CDIN1: variants seen among roughly 807,000 people sequenced by gnomAD.
CDIN1 encodes the protein CDAN1-interacting nuclease 1.
Under a neutral mutation model 45.3 loss-of-function variants are expected in CDIN1, and 33 were observed. The observed-to-expected ratio is 0.73, with a 90% CI of 0.55 to 0.97. CDIN1 has a LOEUF of 0.97. CDIN1 is among the 50% of genes least tolerant of loss of function. CDIN1 has a pLI of 0.00. For synonymous variants in CDIN1, 118 were observed against 124.4 expected (o/e 0.95, Z 0.34); for missense variants, 303 against 339.4 (o/e 0.89, Z 0.84).
chr15:36,589,903 C>T (rs754303948), intron 1 of CDIN1, among the ~76,000 whole-genome samples: 5 of 152,174 alleles, frequency 3.3e-5, no homozygotes, highest in Non-Finnish European at 7.3e-5. Flanking sequence ...CTGTGACCCA[C>T]GTATGAAAGA....
rs543589163 is a variant in CDIN1, at chr15:36,691,815, C to T, written c.426+51C>T. The T allele has an allele frequency of 5.8e-5, 78 of 1,345,700 alleles. No individual in the cohort carries two copies. In the South Asian group the frequency reaches 9.5e-4, roughly 16 times the overall value. The allele number at this position is 1,345,700 out of a possible 1,614,324, so 83.4% of individuals were successfully genotyped here. A position where few individuals can be genotyped will look rare whatever the true frequency, so the allele number is the denominator to read the frequency against. On this transcript the variant is annotated intron_variant, in intron 6 of 10. Coordinates refer to ENST00000566621, the MANE Select transcript of CDIN1 (RefSeq NM_001321759.2). ...AGTGGCAATGCTGTTATCTGCCTAGCAGAGTAAAGGATTTTAAACCTCATT... is the reference window on the plus strand; with the variant it reads ...AGTGGCAATGCTGTTATCTGCCTAGTAGAGTAAAGGATTTTAAACCTCATT...
chr15:36,589,590 C>T (rs1245414557), intron 1 of CDIN1, among the ~76,000 whole-genome samples: 1 of 152,042 alleles, frequency 6.6e-6, no homozygotes, highest in Non-Finnish European at 1.5e-5. Flanking sequence ...ACTGCAAGCT[C>T]CGCCTCCTGG....
chr15:36,756,882 A>C (rs977133099), intron 10 of CDIN1, among the ~76,000 whole-genome samples: 1 of 152,192 alleles, frequency 6.6e-6, no homozygotes, highest in Non-Finnish European at 1.5e-5. Flanking sequence ...CTAATTTGAC[A>C]TGGACAGCCT....
chr15:36,771,347 A>T (rs925995273), intron 10 of CDIN1, among the ~76,000 whole-genome samples: 8 of 152,062 alleles, frequency 5.3e-5, no homozygotes, highest in African/African-American at 1.9e-4. Flanking sequence ...GACTTAAAGT[A>T]TAATAAAAAA....
chr15:36,703,396 T>G (rs1357944742), intron 8 of CDIN1, among the ~76,000 whole-genome samples: 45 of 22,060 alleles, frequency 2.0e-3, no homozygotes, highest in African/African-American at 7.3e-3. Context: ...CAGATATATA[T>G]ATATATGATA....
intron 5 of CDIN1, among the ~76,000 whole-genome samples, chr15:36,660,331 G>C (rs2040958240): frequency 6.6e-6 from 1 of 152,042 alleles, no homozygotes; most frequent in African/African-American, 2.4e-5. Context: ...GCAAGTCTCA[G>C]TCTTGGCTTG....
At chr15:36,798,401 G>C (rs1012550748) in intron 10 of CDIN1, among the ~76,000 whole-genome samples, 4 of 151,982 alleles carry the variant, frequency 2.6e-5, no homozygotes, top group Non-Finnish European at 1.5e-5. Context: ...TTGCTTTTGG[G>C]GACTAGGTTG....
At chr15:36,619,379 A>G (rs1428795370) in intron 1 of CDIN1, 4 of 376,232 alleles carry the variant, frequency 1.1e-5, no homozygotes, top group Non-Finnish European at 1.9e-5. Context: ...AACAGGAGAA[A>G]GTACATCCTT....
chr15:36,584,226 A>G (rs1374467846), intron 1 of CDIN1, among the ~76,000 whole-genome samples: 1 of 152,172 alleles, frequency 6.6e-6, no homozygotes, highest in Non-Finnish European at 1.5e-5. Flanking sequence ...CATGTATTCA[A>G]AAGCAAACAA....
intron 1 of CDIN1, among the ~76,000 whole-genome samples, chr15:36,584,518 G>A (rs113787630): frequency 1.3e-5 from 2 of 152,272 alleles, no homozygotes; most frequent in African/African-American, 2.4e-5. Context: ...ATTGTCATGC[G>A]TTTGTATGAT....
intron 10 of CDIN1, among the ~76,000 whole-genome samples, chr15:36,728,550 C>CTT (rs373887720): frequency 2.2e-5 from 3 of 138,904 alleles, no homozygotes; most frequent in African/African-American, 7.9e-5. Context: ...GTTTTTCTTC[C>CTT]TTTTTTTTTT....
intron 1 of CDIN1, among the ~76,000 whole-genome samples, chr15:36,594,277 A>G (rs553510568): frequency 1.3e-5 from 2 of 152,308 alleles, no homozygotes; most frequent in Middle Eastern, 6.8e-3. Context: ...TAAAAAAAAT[A>G]CCATTCAAAA....
At chr15:36,684,339 G>T (rs944637948) in intron 5 of CDIN1, among the ~76,000 whole-genome samples, 5 of 152,114 alleles carry the variant, frequency 3.3e-5, no homozygotes, top group Non-Finnish European at 5.9e-5. Flanking sequence ...TAATCATGTG[G>T]TTTTTGTCTT....
At chr15:36,589,618 G>C (rs1028618333) in intron 1 of CDIN1, among the ~76,000 whole-genome samples, 1 of 152,020 alleles carries the variant, frequency 6.6e-6, no homozygotes, top group Non-Finnish European at 1.5e-5. Flanking sequence ...CCATTCTCCT[G>C]CCTCAGCCTC....
intron 5 of CDIN1, among the ~76,000 whole-genome samples, chr15:36,666,406 G>C (rs191669484): frequency 1.3e-5 from 2 of 152,290 alleles, no homozygotes; most frequent in African/African-American, 4.8e-5. Context: ...CCCTTCTGCA[G>C]TCTACTGATC....
intron 10 of CDIN1, among the ~76,000 whole-genome samples, chr15:36,794,543 A>G (rs113540246): frequency 1.4e-4 from 21 of 152,324 alleles, no homozygotes; most frequent in African/African-American, 5.1e-4. Flanking sequence ...GAAAGCATAC[A>G]GTATTTGTCC....
intron 10 of CDIN1, among the ~76,000 whole-genome samples, chr15:36,748,707 C>T (rs1595552893): frequency 6.6e-6 from 1 of 152,218 alleles, no homozygotes; most frequent in East Asian, 1.9e-4. Context: ...CTGGGGGGTA[C>T]ATTCACCACT....
Position 36,712,260 on chromosome 15 carries a change from C to CTTTTT in CDIN1, c.716+2318_716+2322dup, listed in dbSNP as rs780494427. Among the ~76,000 whole-genome samples the CTTTTT allele has an allele frequency of 1.8e-3, 139 of 77,382 alleles. 5 individuals are homozygous for CTTTTT. Among genetic ancestry groups the CTTTTT allele is most frequent in the African/African-American group, 3.1e-3 (60 of 19,486 alleles). The allele number at this position is 77,382 out of a possible 152,430, so 50.8% of individuals were successfully genotyped here. Reference sequence around the variant, plus strand: ...TTCAATTACTATTTATAGACTAATGCTTTTTTTTTTTTTTTTTTTTTTTGA... The same window carrying CTTTTT: ...TTCAATTACTATTTATAGACTAATGCTTTTTTTTTTTTTTTTTTTTTTTTTTTTGA... On this transcript the variant is annotated intron_variant, in intron 10 of 10. Transcript: ENST00000566621.
intron 1 of CDIN1, chr15:36,641,464 G>C (rs754647470): frequency 6.6e-6 from 1 of 152,240 alleles, no homozygotes; most frequent in Non-Finnish European, 1.5e-5. Flanking sequence ...CCACTCACAT[G>C]CTCTCCTTTA....
Sources: gnomAD v4.1 joint callset for allele counts (sites outside exome capture counted in the v4.1 genomes callset) on GRCh38, gnomAD v4.1.1 for gene constraint, MANE v1.5 for transcripts, NCBI Gene and HGNC (gene_info 2026-07-23, HGNC 2026-07-21) for gene names.